PGBD5: variants seen among roughly 807,000 people sequenced by gnomAD.
PGBD5 encodes piggyBac transposable element-derived protein 5.
A neutral mutation model predicts 47.9 loss-of-function variants in PGBD5; 14 were observed. That is an observed-to-expected ratio of 0.29 (90% CI 0.19 to 0.46). PGBD5 has a LOEUF of 0.46. Among genes scored for constraint, PGBD5 ranks in the 20% least tolerant of loss-of-function variants. The pLI is 1.00. For synonymous variants in PGBD5, 316 were observed against 306.3 expected, an observed-to-expected ratio of 1.03 and a Z score of -0.33; for missense variants, 635 against 716.0, an observed-to-expected ratio of 0.89 and a Z score of 1.29.
At chr1:230,340,151 TATTC>T (rs1442315263) in intron 3 of PGBD5, among the ~76,000 whole-genome samples, 1 of 152,172 alleles carries the variant, frequency 6.6e-6, no homozygotes, top group Non-Finnish European at 1.5e-5. Flanking sequence ...ACCTTAAAAA[TATTC>T]ATGCTATTTT....
At chr1:230,348,948 T>C (rs1376162267) in intron 3 of PGBD5, among the ~76,000 whole-genome samples, 1 of 152,264 alleles carries the variant, frequency 6.6e-6, no homozygotes, top group African/African-American at 2.4e-5. Flanking sequence ...CTGGGAGTTG[T>C]CAGCTTCAAT....
rs1223172699 is a variant in PGBD5, at chr1:230,357,418, C to T, written c.332-97G>A. ...CATTTCCAATCCCTGGGTCCCTGGCCGAGTGCCCCCGCTGCCTCCAGTGCT... is the reference window on the plus strand; with the variant it reads ...CATTTCCAATCCCTGGGTCCCTGGCTGAGTGCCCCCGCTGCCTCCAGTGCT... On this transcript the variant is annotated intron_variant, in intron 1 of 6. Coordinates refer to ENST00000391860, the MANE Select transcript of PGBD5 (RefSeq NM_001258311.2). This position sits in a 1 kb window ranked among gnomAD's most constrained non-coding sequence, Gnocchi z 5.7. 13 of 1,337,362 alleles carry T rather than the reference C, an allele frequency of 9.7e-6. No homozygotes were observed. Among genetic ancestry groups the T allele is most frequent in the South Asian group, 1.4e-5 (1 of 70,506 alleles). 82.8% of individuals were successfully genotyped at this position (1,337,362 alleles called of 1,614,324 possible).
At chr1:230,351,765 T>G (rs1667563647) in intron 2 of PGBD5, among the ~76,000 whole-genome samples, 1 of 152,202 alleles carries the variant, frequency 6.6e-6, no homozygotes. Flanking sequence ...CTCCTCTAGG[T>G]TGTCATGACC....
At chr1:230,400,903 T>C (rs530308264) in intron 1 of PGBD5, among the ~76,000 whole-genome samples, 15 of 152,334 alleles carry the variant, frequency 9.8e-5, no homozygotes, top group Admixed American at 2.6e-4. Context: ...GTAAGTCAGG[T>C]TGAAGTTTCT....
At chr1:230,409,582 G>C (rs537287548) in intron 1 of PGBD5, among the ~76,000 whole-genome samples, 1 of 152,254 alleles carries the variant, frequency 6.6e-6, no homozygotes, top group South Asian at 2.1e-4. Flanking sequence ...TACACTAACT[G>C]AAAGAAGCCA....
At chr1:230,366,001 G>A (rs1291047014) in intron 1 of PGBD5, among the ~76,000 whole-genome samples, 2 of 152,244 alleles carry the variant, frequency 1.3e-5, no homozygotes, top group Admixed American at 1.3e-4. Flanking sequence ...ACAGCAGGGC[G>A]AATCCTGTAA....
chr1:230,333,251 C>G (rs963250318), intron 4 of PGBD5, among the ~76,000 whole-genome samples: 2 of 152,090 alleles, frequency 1.3e-5, no homozygotes, highest in Non-Finnish European at 2.9e-5. Context: ...GACAATCTCC[C>G]CAGGTCCCTC....
chr1:230,424,620 C>T (rs1657730952), intron 1 of PGBD5, among the ~76,000 whole-genome samples: 1 of 152,228 alleles, frequency 6.6e-6, no homozygotes, highest in South Asian at 2.1e-4. Context: ...ACAGGAAAAG[C>T]CGCATCATGC....
In PGBD5 at chr1:230,425,909, C is replaced by T; in HGVS notation, c.20G>A (p.Gly7Asp). Reference protein sequence around the residue: MAEGGGGARRRAPALLE... With the variant: MAEGGGDARRRAPALLE... Reference sequence around the variant, plus strand: ...CAGCGCCGGCGCCCTCCTCCGCGCGCCCCCGCCGCCCTCGGCCATGGCCCC... The same window carrying T: ...CAGCGCCGGCGCCCTCCTCCGCGCGTCCCCGCCGCCCTCGGCCATGGCCCC... The change falls in exon 1 of 7, where the codon GGC (glycine) becomes GAC (aspartate). Residue 7 changes from glycine to aspartate, a missense_variant. Gly to Asp is a moderately conservative substitution (Grantham distance 94). Coordinates refer to ENST00000391860, the MANE Select transcript of PGBD5 (RefSeq NM_001258311.2). The surrounding 1 kb of genome is among the most constrained non-coding windows in gnomAD (Gnocchi z 4.7). The T allele has an allele frequency of 1.7e-6, 2 of 1,144,668 alleles. No homozygotes were observed. Among genetic ancestry groups the T allele is most frequent in the African/African-American group, 1.7e-5 (1 of 59,810 alleles). 70.9% of individuals were successfully genotyped at this position (1,144,668 alleles called of 1,614,324 possible).
At chr1:230,396,453 C>G (rs1656980440) in intron 1 of PGBD5, among the ~76,000 whole-genome samples, 1 of 131,302 alleles carries the variant, frequency 7.6e-6, no homozygotes, top group Non-Finnish European at 1.6e-5. Flanking sequence ...TCTCTATCCT[C>G]CTCCCCCTCA....
In PGBD5 at chr1:230,321,281, A is replaced by G. The variant is rs969541686; in HGVS notation, c.*2144T>C. The stretch of plus-strand genomic sequence containing the variant: ...ACACCAAGAACAGTTAATATCATAC[A>G]CACCAGATTATATAACAAAAAAAAT... On this transcript the variant is annotated 3_prime_UTR_variant, in exon 7 of 7. Transcript: ENST00000391860. The G allele has an allele frequency of 2.0e-5, 3 of 152,332 alleles. No individual in the cohort carries two copies. The highest frequency in any genetic ancestry group is 7.2e-5 in the African/African-American group (3 of 41,570). 9.4% of individuals were successfully genotyped at this position (152,332 alleles called of 1,614,324 possible). A position where few individuals can be genotyped will look rare whatever the true frequency, so the allele number is the denominator to read the frequency against.
intron 4 of PGBD5, among the ~76,000 whole-genome samples, chr1:230,335,839 A>AGG (rs1667313216): frequency 6.7e-6 from 1 of 150,246 alleles, no homozygotes; most frequent in Admixed American, 6.6e-5. Context: ...ATACACATAC[A>AGG]CACACAGACA....
intron 1 of PGBD5, among the ~76,000 whole-genome samples, chr1:230,415,986 G>C (rs1336944541): frequency 6.6e-6 from 1 of 152,198 alleles, no homozygotes; most frequent in Non-Finnish European, 1.5e-5. Context: ...GGATGGTTGT[G>C]AGGATTACAT....
At chr1:230,410,250 C>A (rs570592391) in intron 1 of PGBD5, among the ~76,000 whole-genome samples, 6 of 152,148 alleles carry the variant, frequency 3.9e-5, no homozygotes, top group East Asian at 1.9e-4. Context: ...AATACAGCAA[C>A]TAAAAATTCT....
At chr1:230,358,975 C>T (rs1455717173) in intron 1 of PGBD5, among the ~76,000 whole-genome samples, 1 of 152,132 alleles carries the variant, frequency 6.6e-6, no homozygotes, top group Non-Finnish European at 1.5e-5. Context: ...CTATGGCTTA[C>T]AATTCTATGT....
chr1:230,377,415 T>C, intron 1 of PGBD5: 1 of 1,402,128 alleles, frequency 7.1e-7, no homozygotes, highest in Non-Finnish European at 9.9e-7. Flanking sequence ...GAAGCTGTGA[T>C]GATGATGATG....
In PGBD5 at chr1:230,316,141, T is replaced by C. The variant is rs940382202; in HGVS notation, c.*7284A>G. On this transcript the variant is annotated 3_prime_UTR_variant, in exon 7 of 7. Coordinates refer to ENST00000391860, the MANE Select transcript of PGBD5 (RefSeq NM_001258311.2). ...ATCTATGTGTATACATACATATGTA[T>C]ATGTGTACACATATATGTATGTGTA... is the stretch of plus-strand genomic sequence containing the variant. 1.3e-5 allele frequency: 2 copies of C among 150,706 alleles called. No individual in the cohort carries two copies. Among genetic ancestry groups the C allele is most frequent in the African/African-American group, 5.0e-5 (2 of 40,372 alleles). 9.3% of individuals were successfully genotyped at this position (150,706 alleles called of 1,614,324 possible).
intron 2 of PGBD5, among the ~76,000 whole-genome samples, chr1:230,352,228 C>A (rs891225023): frequency 2.6e-5 from 4 of 152,188 alleles, no homozygotes; most frequent in African/African-American, 9.7e-5. Flanking sequence ...AATATCAGAA[C>A]TGACAACACG....
chr1:230,392,994 G>C (rs1198323437), intron 1 of PGBD5, among the ~76,000 whole-genome samples: 1 of 151,118 alleles, frequency 6.6e-6, no homozygotes, highest in Non-Finnish European at 1.5e-5. Flanking sequence ...AGCAGTGGTG[G>C]GCGGGGGAGC....
Sources: gnomAD v4.1 joint callset for allele counts (sites outside exome capture counted in the v4.1 genomes callset) on GRCh38, gnomAD v4.1.1 for gene constraint, Gnocchi (gnomAD v3.1) non-coding constraint, MANE v1.5 for transcripts, NCBI Gene and HGNC (gene_info 2026-07-23, HGNC 2026-07-21) for gene names.